The following KCNJ6 variants were observed in gnomAD, a reference collection of about 807,000 sequenced individuals.
The protein encoded by KCNJ6 is potassium inwardly rectifying channel subfamily J member 6, also known as G protein-activated inward rectifier potassium channel 2.
A neutral mutation model predicts 34.2 loss-of-function variants in KCNJ6; 9 were observed. The ratio of observed to expected loss-of-function variants is 0.26; its 90% CI spans 0.16 to 0.46. The LOEUF is 0.46. KCNJ6 is among the 20% of genes least tolerant of loss of function. The pLI is 1.00. For synonymous variants in KCNJ6, 196 were observed against 207.1 expected (o/e 0.95, Z 0.46); for missense variants, 236 against 531.3 (o/e 0.44, Z 5.46).
rs2054227205 is a variant in KCNJ6, at chr21:37,607,461, A to AT, written c.*17697_*17698insA. On this transcript the variant is annotated 3_prime_UTR_variant, in exon 4 of 4. Coordinates refer to ENST00000609713, the MANE Select transcript of KCNJ6 (RefSeq NM_002240.5). ...GTTTCCCTAACACAGCGAGTTCTTA[A>AT]AGATATATATATATATATATATTTT... The AT allele has an allele frequency of 1.8e-5, 1 of 56,118 alleles. No homozygotes were observed. The highest frequency in any genetic ancestry group is 3.4e-5 in the Non-Finnish European group (1 of 29,356). 3.5% of individuals were successfully genotyped at this position (56,118 alleles called of 1,614,324 possible).
chr21:37,731,310 T>C (rs1178032597), intron 2 of KCNJ6, among the ~76,000 whole-genome samples: 1 of 151,986 alleles, frequency 6.6e-6, no homozygotes, highest in Non-Finnish European at 1.5e-5. Flanking sequence ...ATGCTGGGGA[T>C]GGAGGAGAAG....
chr21:37,746,012 C>G (rs1207499773), intron 2 of KCNJ6, among the ~76,000 whole-genome samples: 1 of 152,182 alleles, frequency 6.6e-6, no homozygotes, highest in East Asian at 1.9e-4. Flanking sequence ...CTCTTCCTGG[C>G]TTGCAGGAGG....
At chr21:37,724,193 G>C (rs1167870508) in intron 2 of KCNJ6, among the ~76,000 whole-genome samples, 1 of 152,152 alleles carries the variant, frequency 6.6e-6, no homozygotes, top group African/African-American at 2.4e-5. Context: ...AAAGGTCTCT[G>C]AAGAGCAGTG....
At chr21:37,882,271 G>C (rs1187423923) in intron 1 of KCNJ6, among the ~76,000 whole-genome samples, 1 of 152,182 alleles carries the variant, frequency 6.6e-6, no homozygotes, top group Non-Finnish European at 1.5e-5. Flanking sequence ...TGAGCGTGCT[G>C]GGTATACAAT....
intron 2 of KCNJ6, among the ~76,000 whole-genome samples, chr21:37,772,537 T>C (rs2055122474): frequency 1.3e-5 from 2 of 152,210 alleles, no homozygotes; most frequent in Non-Finnish European, 2.9e-5. Flanking sequence ...AAAGCAATGC[T>C]GTAACATTAA....
At chr21:37,676,627 G>A (rs1429537549) in intron 3 of KCNJ6, among the ~76,000 whole-genome samples, 1 of 152,230 alleles carries the variant, frequency 6.6e-6, no homozygotes, top group South Asian at 2.1e-4. Flanking sequence ...AAGTGGATGA[G>A]CAAAACCAGG....
intron 1 of KCNJ6, among the ~76,000 whole-genome samples, chr21:37,886,323 C>G (rs2055735296): frequency 6.6e-6 from 1 of 152,164 alleles, no homozygotes; most frequent in Admixed American, 6.5e-5. Flanking sequence ...TACTGAGACA[C>G]CCTTGGTTTC....
intron 3 of KCNJ6, among the ~76,000 whole-genome samples, chr21:37,686,918 G>T (rs1247784360): frequency 1.3e-5 from 2 of 152,252 alleles, no homozygotes; most frequent in African/African-American, 2.4e-5. Context: ...GGCAGAGGTG[G>T]GGTGGGCTGG....
chr21:37,621,723 G>A lies in KCNJ6; in HGVS notation c.*3436C>T, dbSNP rs2054290386. The A allele has an allele frequency of 6.6e-6, 1 of 152,248 alleles. No homozygotes were observed. The highest frequency in any genetic ancestry group is 2.4e-5 in the African/African-American group (1 of 41,446). The allele number at this position is 152,248 out of a possible 1,614,324, so 9.4% of individuals were successfully genotyped here. On this transcript the variant is annotated 3_prime_UTR_variant, in exon 4 of 4. Transcript: ENST00000609713. ...ATAGAATTGGAACTGGAGAACCAGG[G>A]AAACAGCAAAGGATGGGGATAGATG... is the stretch of plus-strand genomic sequence containing the variant.
intron 1 of KCNJ6, among the ~76,000 whole-genome samples, chr21:37,854,432 T>G (rs377004026): frequency 1.3e-5 from 2 of 152,162 alleles, no homozygotes; most frequent in African/African-American, 4.8e-5. Flanking sequence ...CACTCATACT[T>G]GAGAGCTAAA....
chr21:37,698,695 G>A (rs1386278613), intron 3 of KCNJ6, among the ~76,000 whole-genome samples: 6 of 139,964 alleles, frequency 4.3e-5, no homozygotes. Context: ...CCATGCCCAG[G>A]TAATTTTTTT....
At chr21:37,760,517 A>C (rs898021120) in intron 2 of KCNJ6, among the ~76,000 whole-genome samples, 4 of 152,166 alleles carry the variant, frequency 2.6e-5, no homozygotes, top group African/African-American at 9.7e-5. Flanking sequence ...TTCCCTCCCC[A>C]GACAGATGTA....
At chr21:37,711,834 T>G (rs1019726791) in intron 3 of KCNJ6, among the ~76,000 whole-genome samples, 2 of 150,044 alleles carry the variant, frequency 1.3e-5, no homozygotes, top group Non-Finnish European at 3.0e-5. Context: ...AGACTATTTT[T>G]TAAAAGAAAA....
chr21:37,614,385 T>TGC lies in KCNJ6; in HGVS notation c.*10773_*10774insGC, dbSNP rs2054253797. The TGC allele has an allele frequency of 7.5e-6, 1 of 134,188 alleles. No homozygotes were observed. The allele number at this position is 134,188 out of a possible 1,614,324, so 8.3% of individuals were successfully genotyped here. A position where few individuals can be genotyped will look rare whatever the true frequency, so the allele number is the denominator to read the frequency against. On this transcript the variant is annotated 3_prime_UTR_variant, in exon 4 of 4. Coordinates refer to ENST00000609713, the MANE Select transcript of KCNJ6 (RefSeq NM_002240.5). ...GTGTGTGTGTGTGTGTGTGTGTGTA[T>TGC]ATCTGTGTGTGCGTATGCATGTGTC...
In KCNJ6 at chr21:37,743,379, T is replaced by C. The variant is rs116586545; in HGVS notation, c.26-28248A>G. On this transcript the variant is annotated intron_variant, in intron 2 of 3. Coordinates refer to ENST00000609713, the MANE Select transcript of KCNJ6 (RefSeq NM_002240.5). ...TATATCTGTAGATGCCCTGATTGTA[T>C]GTCAGCTTGCTGTTTGGGTACCTGC... Among the ~76,000 whole-genome samples, 648 of 152,318 alleles carry C rather than the reference T, an allele frequency of 4.3e-3. 4 individuals are homozygous for C. Among genetic ancestry groups the C allele is most frequent in the African/African-American group, 0.014 (578 of 41,564 alleles).
At chr21:37,702,708 G>A (rs543978947) in intron 3 of KCNJ6, among the ~76,000 whole-genome samples, 1 of 152,224 alleles carries the variant, frequency 6.6e-6, no homozygotes, top group African/African-American at 2.4e-5. Flanking sequence ...GAGAAGGAAA[G>A]TAGGGGACAG....
chr21:37,633,434 C>T (rs1292224534), intron 3 of KCNJ6, among the ~76,000 whole-genome samples: 1 of 152,102 alleles, frequency 6.6e-6, no homozygotes, highest in African/African-American at 2.4e-5. Flanking sequence ...TAAATGCTTG[C>T]TATCACCTTT....
At chr21:37,644,790 T>G (rs1216714004) in intron 3 of KCNJ6, among the ~76,000 whole-genome samples, 1 of 152,216 alleles carries the variant, frequency 6.6e-6, no homozygotes, top group East Asian at 1.9e-4. Flanking sequence ...AGGACCAGTT[T>G]GTACCCTGCT....
At chr21:37,862,061 AG>A (rs1365854236) in intron 1 of KCNJ6, among the ~76,000 whole-genome samples, 4 of 152,214 alleles carry the variant, frequency 2.6e-5, no homozygotes, top group African/African-American at 9.7e-5. Flanking sequence ...CTGCTCCTCA[AG>A]CCCCAAGTAA....
Sources: gnomAD v4.1 joint callset for allele counts (sites outside exome capture counted in the v4.1 genomes callset) on GRCh38, gnomAD v4.1.1 for gene constraint, MANE v1.5 for transcripts, NCBI Gene and HGNC (gene_info 2026-07-23, HGNC 2026-07-21) for gene names.